ZNF548: variants seen among roughly 807,000 people sequenced by gnomAD.
ZNF548 encodes the protein zinc finger protein 548.
Under a neutral mutation model 10.2 loss-of-function variants are expected in ZNF548, and 10 were observed. The observed-to-expected ratio is 0.98, with a 90% CI of 0.60 to 1.66. ZNF548 has a LOEUF of 1.66. ZNF548 is among the 40% of genes most tolerant of loss of function. The pLI is 0.00. For synonymous variants in ZNF548, 217 were observed against 223.5 expected (o/e 0.97, Z 0.26); for missense variants, 599 against 657.0 (o/e 0.91, Z 0.97).
Position 57,398,604 on chromosome 19 carries a change from A to C in ZNF548, c.353A>C (p.His118Pro), listed in dbSNP as rs1453345083. 6.2e-7 allele frequency: 1 copy of C among 1,614,092 alleles called. No homozygotes were observed. Among genetic ancestry groups the C allele is most frequent in the Non-Finnish European group, 8.5e-7 (1 of 1,179,912 alleles). ...TGCCTGGTTGAGCACAATGGAATTC[A>C]TCCTGAGCAACACATATATATTTGT... ...ILCLVEHNGI[H>P]PEQHIYICEA... Residue 118 changes from histidine to proline, a missense_variant, in exon 4 of 4, where the codon CAT becomes CCT. Coordinates refer to ENST00000336128, the MANE Select transcript of ZNF548 (RefSeq NM_001172773.2).
chr19:57,394,650 AGGACCCCAGTTTAAGAGACTTTCTTT>A (rs1451312072), intron 2 of ZNF548, among the ~76,000 whole-genome samples: 1 of 152,200 alleles, frequency 6.6e-6, no homozygotes, highest in African/African-American at 2.4e-5. Context: ...AGGTAGTGAT[AGGACCCCAGTTTAAGAGACTTTCTTT>A]GGCTTCTGAG....
rs757902389 is a variant in ZNF548 at position 57,390,156 on chromosome 19, C to A, written c.15+42C>A. 7 of 1,602,830 alleles carry A rather than the reference C, an allele frequency of 4.4e-6. No individual in the cohort carries two copies. The Admixed American group carries it at 1.2e-4, about 27-fold the overall frequency. ...AGGCTCCCCCGCCCGACCGGTCCTC[C>A]CAGTGCTGAAGCCCCCTGAAGGGGC... On this transcript the variant is annotated intron_variant, in intron 1 of 3. Transcript: ENST00000336128.
Position 57,399,217 on chromosome 19 carries a change from G to A in ZNF548, c.966G>A (p.Glu322=), listed in dbSNP as rs749538455. 1 of 1,614,100 alleles carries A rather than the reference G, an allele frequency of 6.2e-7. No homozygotes were observed. Among genetic ancestry groups the A allele is most frequent in the Non-Finnish European group, 8.5e-7 (1 of 1,180,020 alleles). The change falls in exon 4 of 4, where the codon GAG becomes GAA. Residue 322 remains glutamate (E), a synonymous_variant. Transcript: ENST00000336128. The surrounding 1 kb of genome is among the most constrained non-coding windows in gnomAD (Gnocchi z 4.0). ...QRVHTGERPY[E]CRECGKFFMD... ...TTCACACCGGAGAAAGGCCGTATGA[G>A]TGCAGGGAATGTGGGAAATTCTTTA...
rs1414878397 is a variant in ZNF548 at position 57,398,957 on chromosome 19, T to A, written c.706T>A (p.Ser236Thr). The A allele has an allele frequency of 6.2e-7, 1 of 1,613,976 alleles. No homozygotes were observed. Residue 236 changes from serine (S) to threonine (T), a missense_variant, in exon 4 of 4, where the codon TCT (serine) becomes ACT (threonine). Physicochemically the swap from Ser to Thr is moderately conservative, Grantham distance 58. Coordinates refer to ENST00000336128, the MANE Select transcript of ZNF548 (RefSeq NM_001172773.2). ...CCAGAAAATCCACACAGGAGAAAGG[T>A]CTTATGAATGTAACAAATGTGGGAA... ...EHQKIHTGER[S>T]YECNKCGKFF...
At chr19:57,391,561 A>G (rs1237950118) in intron 1 of ZNF548, among the ~76,000 whole-genome samples, 2 of 152,000 alleles carry the variant, frequency 1.3e-5, no homozygotes, top group Non-Finnish European at 2.9e-5. Context: ...TTGAGGTTGT[A>G]CTTATTTACA....
chr19:57,390,003 G>T lies in ZNF548; in HGVS notation c.-97G>T. 1.4e-6 allele frequency: 2 copies of T among 1,418,000 alleles called. No individual in the cohort carries two copies. The highest frequency in any genetic ancestry group is 2.2e-5 in the Admixed American group (1 of 45,840). 87.8% of individuals were successfully genotyped at this position (1,418,000 alleles called of 1,614,324 possible). A position where few individuals can be genotyped will look rare whatever the true frequency, so the allele number is the denominator to read the frequency against. ...GTTCCCACCACGGAGAGGCGGGAGT[G>T]AGTCAACTGACAAGCGCTGGGGACA... On this transcript the variant is annotated 5_prime_UTR_variant, in exon 1 of 4. An upstream open reading frame in the 5' UTR loses its in-frame stop. Coordinates refer to ENST00000336128, the MANE Select transcript of ZNF548 (RefSeq NM_001172773.2).
At chr19:57,391,789 GTTTTTT>G (rs71186258) in intron 1 of ZNF548, among the ~76,000 whole-genome samples, 3 of 93,580 alleles carry the variant, frequency 3.2e-5, no homozygotes, top group East Asian at 3.4e-4. Flanking sequence ...TGTGCTTACT[GTTTTTT>G]TTTTTTTTTT....
At chr19:57,390,972 T>C (rs1424914589) in intron 1 of ZNF548, 1 of 152,250 alleles carries the variant, frequency 6.6e-6, no homozygotes, top group Non-Finnish European at 1.5e-5. Flanking sequence ...TTTGTTTGTT[T>C]GCATAAATTT....
intron 3 of ZNF548, chr19:57,397,392 C>A (rs566747951): frequency 4.8e-6 from 3 of 626,244 alleles, no homozygotes; most frequent in African/African-American, 1.8e-5. Context: ...CAAGAAAGGG[C>A]TCAAGAGCCA....
chr19:57,389,860 TC>T lies in ZNF548; in HGVS notation c.-238del. 2.0e-6 allele frequency: 1 copy of T among 489,452 alleles called. No homozygotes were observed. Among genetic ancestry groups the T allele is most frequent in the Non-Finnish European group, 3.6e-6 (1 of 274,930 alleles). 30.3% of individuals were successfully genotyped at this position (489,452 alleles called of 1,614,324 possible). A position where few individuals can be genotyped will look rare whatever the true frequency, so the allele number is the denominator to read the frequency against. On this transcript the variant is annotated 5_prime_UTR_variant, in exon 1 of 4. Coordinates refer to ENST00000336128, the MANE Select transcript of ZNF548 (RefSeq NM_001172773.2). ...GTGCGCACCGTCGGAGGGCGGGACT[TC>T]CGCCGTCCTCCTGGTGGTGGTCGTT...
chr19:57,398,191 G>C (rs1028146279), intron 3 of ZNF548, among the ~76,000 whole-genome samples: 1 of 152,184 alleles, frequency 6.6e-6, no homozygotes, highest in Non-Finnish European at 1.5e-5. Flanking sequence ...TGGAGACCCT[G>C]CCTTCTCTCT....
At position 57,399,578 on chromosome 19, in the gene ZNF548, C is replaced by T. The variant is rs372968335; in HGVS notation, c.1327C>T (p.Arg443Cys). The T allele has an allele frequency of 3.0e-5, 49 of 1,609,776 alleles. No homozygotes were observed. The highest frequency in any genetic ancestry group is 4.5e-5 in the East Asian group (2 of 44,672). ...YECSECGKFFRYNSNLIKHWR... is the reference protein window; with the variant it reads ...YECSECGKFFCYNSNLIKHWR... Reference sequence around the variant, plus strand: ...GTGCAGCGAATGCGGGAAATTCTTTCGTTACAACTCCAACCTCATTAAACA... The same window carrying T: ...GTGCAGCGAATGCGGGAAATTCTTTTGTTACAACTCCAACCTCATTAAACA... The change falls in exon 4 of 4, where the codon CGT becomes TGT. Residue 443 changes from arginine to cysteine, a missense_variant. Coordinates refer to ENST00000336128, the MANE Select transcript of ZNF548 (RefSeq NM_001172773.2). The surrounding 1 kb of genome is among the most constrained non-coding windows in gnomAD (Gnocchi z 4.0).
At chr19:57,390,232 TC>T in intron 1 of ZNF548, 118 bp downstream of exon 1, 1 of 1,208,512 alleles carries the variant, frequency 8.3e-7, no homozygotes, top group Non-Finnish European at 1.1e-6. Flanking sequence ...CTGTGTGGGG[TC>T]CCCGTATCAG....
intron 2 of ZNF548, among the ~76,000 whole-genome samples, chr19:57,394,807 A>G (rs2088653632): frequency 6.6e-6 from 1 of 152,190 alleles, no homozygotes; most frequent in African/African-American, 2.4e-5. Flanking sequence ...AGTTTTAACT[A>G]GAGCTGCCCA....
intron 1 of ZNF548, among the ~76,000 whole-genome samples, chr19:57,391,593 C>G (rs553223981): frequency 4.1e-4 from 62 of 152,094 alleles, no homozygotes; most frequent in African/African-American, 1.5e-3. Flanking sequence ...AGTGTGTAAC[C>G]TTTTTCTCTT....
At position 57,399,656 on chromosome 19, in the gene ZNF548, G is replaced by A. The variant is rs2088698693; in HGVS notation, c.1405G>A (p.Ala469Thr). The A allele has an allele frequency of 1.9e-6, 3 of 1,613,772 alleles. No individual in the cohort carries two copies. Among genetic ancestry groups the A allele is most frequent in the Non-Finnish European group, 2.5e-6 (3 of 1,179,936 alleles). ...RPYECRECGK[A>T]FSHKHILVEH... is the part of the protein sequence containing the mutation. ...TTACGAGTGCAGAGAGTGTGGGAAA[G>A]CCTTTAGCCACAAGCATATACTTGT... The change falls in exon 4 of 4, where the codon GCC becomes ACC. Residue 469 changes from alanine to threonine, a missense_variant. Coordinates refer to ENST00000336128, the MANE Select transcript of ZNF548 (RefSeq NM_001172773.2). This position sits in a 1 kb window ranked among gnomAD's most constrained non-coding sequence, Gnocchi z 4.0.
chr19:57,398,385 C>T, intron 3 of ZNF548, 45 bp from the exon 4 acceptor site: 1 of 1,593,228 alleles, frequency 6.3e-7, no homozygotes, highest in Non-Finnish European at 8.6e-7. Flanking sequence ...CTGCTTCCTC[C>T]CACCAGAGTC....
Position 57,398,621 on chromosome 19 carries a change from T to C in ZNF548, c.370T>C (p.Tyr124His), listed in dbSNP as rs1306513990. ...HNGIHPEQHI[Y>H]ICEAELFQHP... ...TGGAATTCATCCTGAGCAACACATA[T>C]ATATTTGTGAGGCAGAGCTTTTTCA... The change falls in exon 4 of 4, where the codon TAT becomes CAT. Residue 124 changes from tyrosine to histidine, a missense_variant. Transcript: ENST00000336128. 14 of 1,614,030 alleles carry C rather than the reference T, an allele frequency of 8.7e-6. No homozygotes were observed. Among genetic ancestry groups the C allele is most frequent in the Admixed American group, 1.7e-5 (1 of 60,020 alleles).
rs772945529 is a variant in ZNF548 at position 57,399,154 on chromosome 19, C to T, written c.903C>T (p.Phe301=). The change falls in exon 4 of 4, where the codon TTC becomes TTT. Residue 301 remains phenylalanine (F), a synonymous_variant. Transcript: ENST00000336128. The surrounding 1 kb of genome is among the most constrained non-coding windows in gnomAD (Gnocchi z 4.0). ...ATGAGTGCAACACATGTGGGAAATT[C>T]TTTCGGTACAGCTCCACATTTGTTA... ...RPYECNTCGK[F]FRYSSTFVRH... 2 of 1,612,316 alleles carry T rather than the reference C, an allele frequency of 1.2e-6. No homozygotes were observed. The highest frequency in any genetic ancestry group is 2.2e-5 in the South Asian group (2 of 90,970).
Sources: gnomAD v4.1 joint callset for allele counts (sites outside exome capture counted in the v4.1 genomes callset) on GRCh38, gnomAD v4.1.1 for gene constraint, Gnocchi (gnomAD v3.1) non-coding constraint, MANE v1.5 for transcripts, NCBI Gene and HGNC (gene_info 2026-07-23, HGNC 2026-07-21) for gene names.